KAZN: variants seen among roughly 807,000 people sequenced by gnomAD.
KAZN encodes kazrin.
In KAZN, 40 loss-of-function variants were observed where a neutral mutation model predicts 87.4. That is an observed-to-expected ratio of 0.46 (90% confidence interval 0.36 to 0.60). KAZN has a LOEUF of 0.60. KAZN is among the 20% of genes least tolerant of loss of function. KAZN has a pLI of 0.00. For synonymous variants in KAZN, 466 were observed against 458.3 expected (o/e 1.02, Z -0.22); for missense variants, 898 against 1,073.9 (o/e 0.84, Z 2.29).
intron 2 of KAZN, among the ~76,000 whole-genome samples, chr1:14,492,218 C>A (rs1257936943): frequency 6.6e-6 from 1 of 152,130 alleles, no homozygotes; most frequent in East Asian, 1.9e-4. Context: ...AAGAGTGAAT[C>A]TGAGTCTTGG....
chr1:14,338,912 A>G (rs1408370001), intron 2 of KAZN, among the ~76,000 whole-genome samples: 2 of 152,244 alleles, frequency 1.3e-5, no homozygotes, highest in African/African-American at 4.8e-5. Context: ...AGGGACCCAC[A>G]TAGGAGAGCC....
intron 1 of KAZN, among the ~76,000 whole-genome samples, chr1:14,906,613 A>ATTT (rs1656610254): frequency 6.6e-6 from 1 of 152,028 alleles, no homozygotes; most frequent in Non-Finnish European, 1.5e-5. Context: ...ATCACAAAAC[A>ATTT]TATAAAGGGA....
rs796207236 is a variant in KAZN, at chr1:14,357,634, C to T, written c.249+177042C>T. Among the ~76,000 whole-genome samples, 9 of 152,090 alleles carry T rather than the reference C, an allele frequency of 5.9e-5. 1 individual carries two copies. Among genetic ancestry groups the T allele is most frequent in the African/African-American group, 1.9e-4 (8 of 41,482 alleles). ...TTTATTGAGAGTTTTTAGCACGAAGCGGTGTTGAATTTTATCAAAGGCCAT... is the reference window on the plus strand; with the variant it reads ...TTTATTGAGAGTTTTTAGCACGAAGTGGTGTTGAATTTTATCAAAGGCCAT... On this transcript the variant is annotated intron_variant, in intron 2 of 16. Transcript: ENST00000636203.
chr1:13,993,592 T>C (rs1639379486), intron 1 of KAZN, among the ~76,000 whole-genome samples: 1 of 152,264 alleles, frequency 6.6e-6, no homozygotes, highest in South Asian at 2.1e-4. Context: ...ATCTAAAAAC[T>C]ACATTAGGTC....
At chr1:14,960,402 C>T (rs192835824) in intron 1 of KAZN, among the ~76,000 whole-genome samples, 40 of 152,336 alleles carry the variant, frequency 2.6e-4, no homozygotes, top group Admixed American at 7.2e-4. Flanking sequence ...CTAAGACCGT[C>T]GGCCACCAGA....
intron 1 of KAZN, among the ~76,000 whole-genome samples, chr1:14,105,029 C>T (rs1199210990): frequency 4.0e-5 from 6 of 151,892 alleles, no homozygotes; most frequent in South Asian, 4.2e-4. Context: ...CTTGTTGGAA[C>T]TCTCATAAGC....
At chr1:14,617,511 A>G (rs1678349242) in intron 1 of KAZN, among the ~76,000 whole-genome samples, 2 of 152,350 alleles carry the variant, frequency 1.3e-5, no homozygotes, top group East Asian at 3.9e-4. Context: ...AAAAACAAAA[A>G]CAAAAAAGCC....
intron 2 of KAZN, among the ~76,000 whole-genome samples, chr1:14,520,355 A>G (rs192203890): frequency 6.6e-6 from 1 of 152,178 alleles, no homozygotes; most frequent in African/African-American, 2.4e-5. Context: ...GGGTGCCATG[A>G]TAGACGTAGC....
At chr1:14,969,902 C>T (rs964705478) in intron 2 of KAZN, among the ~76,000 whole-genome samples, 13 of 152,142 alleles carry the variant, frequency 8.5e-5, no homozygotes, top group African/African-American at 3.1e-4. Flanking sequence ...CAACCTCTAC[C>T]TCCTGGGTTC....
At position 14,240,260 on chromosome 1, in the gene KAZN, G is replaced by A. The variant is rs576373759; in HGVS notation, c.249+59668G>A. ...GATAAAAGGAAACAAGGCCTGGGAA[G>A]ACAGAGGGAACATGTGGTGAGGTCA... is the stretch of plus-strand genomic sequence containing the variant. On this transcript the variant is annotated intron_variant, in intron 2 of 16. Coordinates refer to the KAZN transcript ENST00000636203. Among the ~76,000 whole-genome samples, 12 of 152,334 alleles carry A rather than the reference G, an allele frequency of 7.9e-5. No individual in the cohort carries two copies. The South Asian group carries it at 1.2e-3, about 16-fold the overall frequency.
At chr1:14,162,302 A>G (rs1645725877) in intron 1 of KAZN, among the ~76,000 whole-genome samples, 1 of 152,332 alleles carries the variant, frequency 6.6e-6, no homozygotes, top group Non-Finnish European at 1.5e-5. Flanking sequence ...TCTTAAAAAC[A>G]TAGTGAGTAT....
chr1:13,927,085 G>A (rs949182186), intron 1 of KAZN, among the ~76,000 whole-genome samples: 23 of 152,190 alleles, frequency 1.5e-4, no homozygotes, highest in African/African-American at 5.5e-4. Flanking sequence ...CACATTTTCA[G>A]TTTCATCAAG....
At chr1:14,499,514 G>T (rs1489001234) in intron 2 of KAZN, among the ~76,000 whole-genome samples, 1 of 152,180 alleles carries the variant, frequency 6.6e-6, no homozygotes, top group Admixed American at 6.5e-5. Flanking sequence ...GTGCAAAAGG[G>T]AGGTGTTTCT....
intron 1 of KAZN, among the ~76,000 whole-genome samples, chr1:14,884,205 A>AC (rs1653794000): frequency 6.6e-6 from 1 of 152,154 alleles, no homozygotes; most frequent in African/African-American, 2.4e-5. Flanking sequence ...CATCCTGGCC[A>AC]ACATGGTGGA....
chr1:14,772,910 G>A (rs1645059328), intron 1 of KAZN, among the ~76,000 whole-genome samples: 1 of 152,076 alleles, frequency 6.6e-6, no homozygotes, highest in Admixed American at 6.5e-5. Flanking sequence ...TTGGCCTTCT[G>A]TGTGCTTGGG....
intron 2 of KAZN, among the ~76,000 whole-genome samples, chr1:14,488,550 C>T (rs575969295): frequency 1.3e-5 from 2 of 152,298 alleles, no homozygotes; most frequent in South Asian, 4.1e-4. Context: ...GTGGCAACCT[C>T]ATAGGCTCAG....
At position 14,111,759 on chromosome 1, in the gene KAZN, A is replaced by G. The variant is rs1420214797; in HGVS notation, c.92-68676A>G. On this transcript the variant is annotated intron_variant, in intron 1 of 16. Transcript: ENST00000636203. ...TCTTTTCTTTTTTTTTTTTTTTTTG[A>G]GGTGGAGTCTCGCTCTGTCGCCCAG... Among the ~76,000 whole-genome samples the G allele has an allele frequency of 1.1e-4, 12 of 105,084 alleles. 1 individual carries two copies. Among genetic ancestry groups the G allele is most frequent in the Admixed American group, 4.0e-4 (4 of 10,096 alleles). 68.9% of individuals were successfully genotyped at this position (105,084 alleles called of 152,430 possible).
At chr1:14,035,332 T>C (rs1042003746) in intron 1 of KAZN, among the ~76,000 whole-genome samples, 6 of 152,074 alleles carry the variant, frequency 3.9e-5, no homozygotes, top group South Asian at 2.1e-4. Context: ...GAAATAACAG[T>C]GTTCCTAGAT....
At chr1:14,915,013 C>T (rs1657650784) in intron 1 of KAZN, among the ~76,000 whole-genome samples, 1 of 152,100 alleles carries the variant, frequency 6.6e-6, no homozygotes, top group South Asian at 2.1e-4. Context: ...CATGGAGAAA[C>T]CCCATCACTA....
Sources: gnomAD v4.1 joint callset for allele counts (sites outside exome capture counted in the v4.1 genomes callset) on GRCh38, gnomAD v4.1.1 for gene constraint, MANE v1.5 for transcripts, NCBI Gene and HGNC (gene_info 2026-07-23, HGNC 2026-07-21) for gene names.